Variants in GSN observed in about 807,000 individuals in gnomAD.
GSN encodes gelsolin, also known as actin-depolymerizing factor.
A neutral mutation model predicts 85.7 loss-of-function variants in GSN; 56 were observed. The ratio of observed to expected loss-of-function variants is 0.65; its 90% CI spans 0.53 to 0.82. The LOEUF is 0.82. Ranked by LOEUF, GSN falls within the 40% of genes least tolerant of loss-of-function variation. GSN has a pLI of 0.00. For synonymous variants in GSN, 373 were observed against 399.1 expected (o/e 0.93, Z 0.78); for missense variants, 857 against 979.8 (o/e 0.87, Z 1.67).
At chr9:121,271,326 C>T (rs1270254147) in intron 1 of GSN, among the ~76,000 whole-genome samples, 1 of 152,026 alleles carries the variant, frequency 6.6e-6, no homozygotes, top group Non-Finnish European at 1.5e-5. Context: ...TGCACTCCAG[C>T]CTGGATGACA....
Position 121,299,927 on chromosome 9 carries a change from G to A in GSN, c.-9-2036G>A. On this transcript the variant is annotated intron_variant, in intron 2 of 17. Coordinates refer to ENST00000432226, the MANE Select transcript of GSN (RefSeq NM_198252.3). This position sits in a 1 kb window ranked among gnomAD's most constrained non-coding sequence, Gnocchi z 4.2. ...TGTCCCTGGCGCTGTGCGCGCTGTC[G>A]CTGCCCGTCCGCGCGGCCACTGCGT... 1 of 1,260,788 alleles carries A rather than the reference G, an allele frequency of 7.9e-7. No individual in the cohort carries two copies. Among genetic ancestry groups the A allele is most frequent in the South Asian group, 3.6e-5 (1 of 27,728 alleles). The allele number at this position is 1,260,788 out of a possible 1,614,324, so 78.1% of individuals were successfully genotyped here.
At chr9:121,293,022 G>A (rs1031960226) in intron 2 of GSN, among the ~76,000 whole-genome samples, 1 of 152,184 alleles carries the variant, frequency 6.6e-6, no homozygotes, top group Non-Finnish European at 1.5e-5. Context: ...AGGAAATCTT[G>A]GCCATAGTTG....
At chr9:121,296,787 A>C (rs2059261699) in intron 2 of GSN, among the ~76,000 whole-genome samples, 1 of 152,346 alleles carries the variant, frequency 6.6e-6, no homozygotes, top group African/African-American at 2.4e-5. Flanking sequence ...GTCTCCACTC[A>C]TCAGTGCCCT....
At position 121,327,456 on chromosome 9, in the gene GSN, TG is replaced by T; in HGVS notation, c.1737del (p.Gln580ArgfsTer27). The T allele has an allele frequency of 6.3e-7, 1 of 1,592,194 alleles. No homozygotes were observed. The highest frequency in any genetic ancestry group is 8.6e-7 in the Non-Finnish European group (1 of 1,168,546). On this transcript the variant is annotated frameshift_variant, in exon 14 of 18. Coordinates refer to ENST00000432226, the MANE Select transcript of GSN (RefSeq NM_198252.3). LOFTEE classifies it high-confidence loss of function. ...ELLRVLRAQP[V>X]QVAEGSEPDG... The stretch of plus-strand genomic sequence containing the variant: ...CTCAGGGTGCTGCGGGCCCAACCTG[TG>T]CAGGTGGCAGAAGGCAGCGAGCCAG...
chr9:121,222,199 C>T (rs1291731049), intron 4 of GSN: 1 of 152,144 alleles, frequency 6.6e-6, no homozygotes, highest in Non-Finnish European at 1.5e-5. Context: ...TTTCCACCTA[C>T]CTCTGCCATG....
chr9:121,268,877 C>A (rs1007914877), intron 1 of GSN, among the ~76,000 whole-genome samples: 2 of 152,114 alleles, frequency 1.3e-5, no homozygotes, highest in African/African-American at 4.8e-5. Flanking sequence ...TGGGGTCCAG[C>A]CCCCCAGAAC....
Position 121,332,670 on chromosome 9 carries a change from C to G in GSN, c.*67C>G. On this transcript the variant is annotated 3_prime_UTR_variant, in exon 18 of 18. Transcript: ENST00000432226. This position sits in a 1 kb window ranked among gnomAD's most constrained non-coding sequence, Gnocchi z 4.8. ...GGAACTGTCCTTCCCTCAAAGAGGC[C>G]TTAGAGCGAGCAGAGCAGCTCTGCT... 1 of 1,284,270 alleles carries G rather than the reference C, an allele frequency of 7.8e-7. No individual in the cohort carries two copies. Among genetic ancestry groups the G allele is most frequent in the Non-Finnish European group, 1.1e-6 (1 of 896,836 alleles). 79.6% of individuals were successfully genotyped at this position (1,284,270 alleles called of 1,614,324 possible).
Position 121,302,746 on chromosome 9 carries a change from G to A in GSN, c.197-165G>A, listed in dbSNP as rs76844780. Among the ~76,000 whole-genome samples, 101 of 152,250 alleles carry A rather than the reference G, an allele frequency of 6.6e-4. 1 individual carries two copies. Among genetic ancestry groups the A allele is most frequent in the Non-Finnish European group, 1.1e-3 (78 of 68,020 alleles). ...CGCTTAGAGAAAAATGAGGTCCATC[G>A]TCCTGTTATACAGATGGATTAACTG... On this transcript the variant is annotated intron_variant, in intron 3 of 17. Coordinates refer to ENST00000432226, the MANE Select transcript of GSN (RefSeq NM_198252.3).
chr9:121,273,107 C>T lies in GSN; in HGVS notation c.-103+4888C>T, dbSNP rs539715301. Among the ~76,000 whole-genome samples the T allele has an allele frequency of 2.0e-5, 3 of 152,312 alleles. No homozygotes were observed. The East Asian group carries it at 5.8e-4, about 29-fold the overall frequency. ...CTATAAAGTATCCCTGAAATTGACT[C>T]TTCCCAAGAGTGATCCAGAAAGGCT... On this transcript the variant is annotated intron_variant, in intron 1 of 17. Transcript: ENST00000432226.
intron 4 of GSN, among the ~76,000 whole-genome samples, chr9:121,220,746 G>A (rs1422925624): frequency 6.6e-6 from 1 of 152,192 alleles, no homozygotes; most frequent in Non-Finnish European, 1.5e-5. Flanking sequence ...GCCAGTAAAA[G>A]TTCTCTAATG....
chr9:121,317,000 CAG>C (rs2061786098), intron 7 of GSN, 84 bp from the exon 8 acceptor site: 26 of 1,567,844 alleles, frequency 1.7e-5, no homozygotes, highest in Non-Finnish European at 2.2e-5. Context: ...CCATTTGGGA[CAG>C]GGGGTGGGGC....
rs1330955642 is a variant in GSN at position 121,302,997 on chromosome 9, C to T, written c.283C>T (p.His95Tyr). 1.2e-6 allele frequency: 2 copies of T among 1,613,894 alleles called. No individual in the cohort carries two copies. Among genetic ancestry groups the T allele is most frequent in the African/African-American group, 2.7e-5 (2 of 74,948 alleles). ...DDYLNGRAVQ[H>Y]REVQGFESAT... The stretch of plus-strand genomic sequence containing the variant: ...CTACCTGAACGGCCGGGCCGTGCAG[C>T]ACCGTGAGGTCCAGGGCTTCGAGTC... The change falls in exon 4 of 18, where the codon CAC (histidine) becomes TAC (tyrosine). Residue 95 changes from histidine to tyrosine, a missense_variant. By Grantham distance (83) the His-to-Tyr change is moderately conservative. Transcript: ENST00000432226.
At position 121,314,153 on chromosome 9, in the gene GSN, C is replaced by T. The variant is rs1332219217; in HGVS notation, c.753+130C>T. The T allele has an allele frequency of 6.7e-6, 5 of 749,304 alleles. No homozygotes were observed. In the East Asian group the frequency reaches 7.9e-5, roughly 12 times the overall value. The allele number at this position is 749,304 out of a possible 1,614,324, so 46.4% of individuals were successfully genotyped here. On this transcript the variant is annotated intron_variant, in intron 7 of 17. Coordinates refer to ENST00000432226, the MANE Select transcript of GSN (RefSeq NM_198252.3). ...CTTTGGAGGGGGGCCTCAGCTTTCT[C>T]ACGTCTCCAGTGGATGCTCGTGTAC... is the stretch of plus-strand genomic sequence containing the variant.
chr9:121,206,197 C>A (rs988904010), upstream of GSN, among the ~76,000 whole-genome samples: 3 of 152,046 alleles, frequency 2.0e-5, no homozygotes, highest in South Asian at 2.1e-4. Context: ...TGATTAACTT[C>A]CAGTGATACA....
At chr9:121,282,014 C>T (rs1203631500) in intron 2 of GSN, 2 of 474,436 alleles carry the variant, frequency 4.2e-6, no homozygotes, top group Admixed American at 4.7e-5. Flanking sequence ...GGAGGAGCAC[C>T]TGAGGTGTGT....
At chr9:121,289,346 CCT>C (rs2058461215) in intron 2 of GSN, among the ~76,000 whole-genome samples, 1 of 152,058 alleles carries the variant, frequency 6.6e-6, no homozygotes, top group South Asian at 2.1e-4. Flanking sequence ...CCCCAGATCC[CCT>C]CTCTCTGAGA....
the GSN span, among the ~76,000 whole-genome samples, chr9:121,202,118 G>T: frequency 6.6e-6 from 1 of 152,228 alleles, no homozygotes; most frequent in Admixed American, 6.5e-5. Context: ...GCGTGTCCTC[G>T]CCTCTTGGGG....
In GSN at chr9:121,329,994, G is replaced by T. The variant is rs1327891458; in HGVS notation, c.1965+679G>T. On this transcript the variant is annotated intron_variant, in intron 16 of 17. Coordinates refer to ENST00000432226, the MANE Select transcript of GSN (RefSeq NM_198252.3). The surrounding 1 kb of genome is among the most constrained non-coding windows in gnomAD (Gnocchi z 4.6). ...AGTCCTCAGAGTTACGGAGCAGCTG[G>T]CCACGAAGGCATAAGACTCTACACT... Among the ~76,000 whole-genome samples the T allele has an allele frequency of 6.6e-6, 1 of 152,120 alleles. No homozygotes were observed.
At chr9:121,224,320 C>T (rs372006447) in intron 4 of GSN, among the ~76,000 whole-genome samples, 16 of 151,436 alleles carry the variant, frequency 1.1e-4, no homozygotes, top group African/African-American at 2.9e-4. Context: ...AGGATGGTCT[C>T]GATCTCTTGA....
Sources: allele counts gnomAD v4.1 joint callset (sites outside exome capture counted in the v4.1 genomes callset), GRCh38; gene constraint gnomAD v4.1.1; non-coding constraint Gnocchi (gnomAD v3.1); transcripts MANE v1.5; gene names NCBI Gene and HGNC (gene_info 2026-07-23, HGNC 2026-07-21).